The following MACROD2 variants were observed in gnomAD, a reference collection of about 807,000 sequenced individuals.
The protein encoded by MACROD2 is ADP-ribose glycohydrolase MACROD2.
Under a neutral mutation model 70.4 loss-of-function variants are expected in MACROD2, and 36 were observed. The ratio of observed to expected loss-of-function variants is 0.51; its 90% CI spans 0.39 to 0.68. The LOEUF (loss-of-function observed/expected upper bound fraction) is 0.68. MACROD2 is among the 30% of genes least tolerant of loss of function. The pLI is 0.00. For synonymous variants in MACROD2, 172 were observed against 178.8 expected (o/e 0.96, Z 0.30); for missense variants, 496 against 538.4 (o/e 0.92, Z 0.78).
At position 15,590,599 on chromosome 20, in the gene MACROD2, G is replaced by A. The variant is rs538740469; in HGVS notation, c.645+90752G>A. On this transcript the variant is annotated intron_variant, in intron 8 of 17. Transcript: ENST00000684519. Reference sequence around the variant, plus strand: ...TAGAATTGATTTTAAGAAAAGATTCGTGGCCAGGCACGGTGGCTCACGCCT... The same window carrying A: ...TAGAATTGATTTTAAGAAAAGATTCATGGCCAGGCACGGTGGCTCACGCCT... Among the ~76,000 whole-genome samples, 125 of 152,210 alleles carry A rather than the reference G, an allele frequency of 8.2e-4. 3 individuals carry two copies. The South Asian group carries it at 0.023, about 28-fold the overall frequency.
chr20:15,182,673 TC>T (rs2076508570), intron 5 of MACROD2, among the ~76,000 whole-genome samples: 1 of 152,182 alleles, frequency 6.6e-6, no homozygotes, highest in South Asian at 2.1e-4. Context: ...TTAGGAGACT[TC>T]CTGATTTGCC....
Position 15,974,409 on chromosome 20 carries a change from A to C in MACROD2, c.985+6779A>C, listed in dbSNP as rs564739077. On this transcript the variant is annotated intron_variant, in intron 13 of 17. Coordinates refer to ENST00000684519, the MANE Select transcript of MACROD2 (RefSeq NM_001351661.2). Reference sequence around the variant, plus strand: ...TTAAATGCATATTACTAAGTGCAAAAAGCCAATGTGAAAAGGCTACATATT... The same window carrying C: ...TTAAATGCATATTACTAAGTGCAAACAGCCAATGTGAAAAGGCTACATATT... Among the ~76,000 whole-genome samples the C allele has an allele frequency of 3.3e-5, 5 of 152,188 alleles. No homozygotes were observed. The East Asian group carries it at 9.6e-4, about 29-fold the overall frequency.
At chr20:14,770,821 T>G (rs1266410402) in intron 5 of MACROD2, among the ~76,000 whole-genome samples, 1 of 151,890 alleles carries the variant, frequency 6.6e-6, no homozygotes, top group African/African-American at 2.4e-5. Context: ...AAACCTGTGG[T>G]AGATCTGGGA....
At chr20:15,127,604 C>G (rs997483426) in intron 5 of MACROD2, among the ~76,000 whole-genome samples, 1 of 151,994 alleles carries the variant, frequency 6.6e-6, no homozygotes, top group African/African-American at 2.4e-5. Flanking sequence ...TTATAGGAGG[C>G]TTCAGTTCTT....
At chr20:14,268,574 A>C (rs1351908659) in intron 3 of MACROD2, among the ~76,000 whole-genome samples, 1 of 152,108 alleles carries the variant, frequency 6.6e-6, no homozygotes, top group Admixed American at 6.6e-5. Flanking sequence ...GATGGTATAT[A>C]TTTCATAGGT....
At chr20:15,584,432 A>C (rs2048568465) in intron 8 of MACROD2, among the ~76,000 whole-genome samples, 1 of 152,236 alleles carries the variant, frequency 6.6e-6, no homozygotes, top group South Asian at 2.1e-4. Flanking sequence ...ATCTATTTTC[A>C]TGTGTTTTGG....
chr20:14,056,252 A>C (rs1377670248), intron 2 of MACROD2, among the ~76,000 whole-genome samples: 1 of 151,512 alleles, frequency 6.6e-6, no homozygotes, highest in African/African-American at 2.4e-5. Flanking sequence ...ATATGTGACA[A>C]AACCCCCTTT....
chr20:15,060,878 A>G (rs1387535830), intron 5 of MACROD2, among the ~76,000 whole-genome samples: 1 of 152,174 alleles, frequency 6.6e-6, no homozygotes, highest in East Asian at 1.9e-4. Context: ...GAGAATAACA[A>G]TCCCATCTGA....
chr20:16,041,619 A>G (rs2067309132), intron 16 of MACROD2, among the ~76,000 whole-genome samples: 1 of 151,940 alleles, frequency 6.6e-6, no homozygotes, highest in South Asian at 2.1e-4. Context: ...TACTTAGCCT[A>G]CTTAGCCTCC....
chr20:15,014,976 C>CCAG (rs1244401575), intron 5 of MACROD2, among the ~76,000 whole-genome samples: 4 of 151,988 alleles, frequency 2.6e-5, no homozygotes, highest in Non-Finnish European at 5.9e-5. Flanking sequence ...AAAAGCGAGA[C>CCAG]CAGCACCTAT....
intron 3 of MACROD2, among the ~76,000 whole-genome samples, chr20:14,234,292 T>C (rs1238554712): frequency 4.6e-5 from 7 of 152,222 alleles, no homozygotes; most frequent in Admixed American, 4.6e-4. Flanking sequence ...TATTGATTGT[T>C]CATATATCCT....
rs183297803 is a variant in MACROD2 at position 14,197,901 on chromosome 20, C to T, written c.271+112173C>T. On this transcript the variant is annotated intron_variant, in intron 3 of 17. Coordinates refer to ENST00000684519, the MANE Select transcript of MACROD2 (RefSeq NM_001351661.2). ...TGTGTGCATGTGTATAGCTTATGTACGCTAAAGGCCGATCTTAGATGTAAA... is the reference window on the plus strand; with the variant it reads ...TGTGTGCATGTGTATAGCTTATGTATGCTAAAGGCCGATCTTAGATGTAAA... Among the ~76,000 whole-genome samples, 337 of 152,208 alleles carry T rather than the reference C, an allele frequency of 2.2e-3. 1 individual carries two copies. The highest frequency in any genetic ancestry group is 5.7e-3 in the Admixed American group (87 of 15,298).
At chr20:14,467,595 G>T (rs984070122) in intron 3 of MACROD2, among the ~76,000 whole-genome samples, 2 of 152,082 alleles carry the variant, frequency 1.3e-5, no homozygotes, top group African/African-American at 4.8e-5. Flanking sequence ...TGGAAATGCA[G>T]AAATCACCTG....
chr20:14,846,466 A>G (rs928631484), intron 5 of MACROD2, among the ~76,000 whole-genome samples: 2 of 150,216 alleles, frequency 1.3e-5, no homozygotes, highest in Non-Finnish European at 3.0e-5. Flanking sequence ...CTAAATATAT[A>G]TTTCATTATA....
At chr20:14,614,666 A>G (rs528390517) in intron 4 of MACROD2, among the ~76,000 whole-genome samples, 2 of 152,106 alleles carry the variant, frequency 1.3e-5, no homozygotes, top group African/African-American at 2.4e-5. Flanking sequence ...AAACATGTTG[A>G]TGATATTTTA....
rs535374910 is a variant in MACROD2 at position 15,102,340 on chromosome 20, A to G, written c.419-127600A>G. On this transcript the variant is annotated intron_variant, in intron 5 of 17. Transcript: ENST00000684519. ...TAAAGAGGGACTCTCATGTCCCTGG[A>G]GAAAGTTTAACTAGTAGAAATCTTT... Among the ~76,000 whole-genome samples the G allele has an allele frequency of 2.6e-5, 4 of 152,196 alleles. No individual in the cohort carries two copies. The East Asian group carries it at 7.7e-4, about 29-fold the overall frequency.
intron 8 of MACROD2, among the ~76,000 whole-genome samples, chr20:15,577,521 C>A (rs2048465045): frequency 1.3e-5 from 2 of 152,168 alleles, no homozygotes; most frequent in East Asian, 3.9e-4. Context: ...CTGATTAACT[C>A]TTTTTGGCCA....
intron 8 of MACROD2, among the ~76,000 whole-genome samples, chr20:15,516,903 G>T (rs1356373526): frequency 6.6e-6 from 1 of 152,058 alleles, no homozygotes; most frequent in Admixed American, 6.5e-5. Context: ...AACAGTTGTT[G>T]CAGAGATCTC....
In MACROD2 at chr20:15,545,435, A is replaced by G. The variant is rs145606501; in HGVS notation, c.645+45588A>G. Among the ~76,000 whole-genome samples the G allele has an allele frequency of 1.1e-4, 17 of 152,318 alleles. No homozygotes were observed. In the East Asian group the frequency reaches 3.3e-3, roughly 29 times the overall value. On this transcript the variant is annotated intron_variant, in intron 8 of 17. Transcript: ENST00000684519. The stretch of plus-strand genomic sequence containing the variant: ...TCCGTAATGATATTTCTGTCACTCA[A>G]AATAAGCCATCTGTTGGCAGCAGCC...
Sources: gnomAD v4.1 joint callset for allele counts (sites outside exome capture counted in the v4.1 genomes callset) on GRCh38, gnomAD v4.1.1 for gene constraint, MANE v1.5 for transcripts, NCBI Gene and HGNC (gene_info 2026-07-23, HGNC 2026-07-21) for gene names.